Variants in ZFHX4 observed in about 807,000 individuals in gnomAD.
ZFHX4 encodes zinc finger homeobox 4.
In ZFHX4, 56 loss-of-function variants were observed where a neutral mutation model predicts 267.6. The ratio of observed to expected loss-of-function variants is 0.21; its 90% CI spans 0.17 to 0.26. The LOEUF (loss-of-function observed/expected upper bound fraction) is 0.26. Among genes scored for constraint, ZFHX4 ranks in the 10% least tolerant of loss-of-function variants. ZFHX4 has a pLI of 1.00. For missense variants in ZFHX4, 4,332 were observed against 4,420.0 expected (o/e 0.98, Z 0.56); for synonymous variants, 1,778 against 1,665.6 (o/e 1.07, Z -1.64).
chr8:76,790,466 T>A (rs964341078), intron 4 of ZFHX4, among the ~76,000 whole-genome samples: 7 of 152,050 alleles, frequency 4.6e-5, no homozygotes, highest in Non-Finnish European at 8.8e-5. Context: ...ATTGAAAGGA[T>A]AACAGACCAA....
At chr8:76,802,858 A>G (rs1231087137) in intron 4 of ZFHX4, among the ~76,000 whole-genome samples, 1 of 152,184 alleles carries the variant, frequency 6.6e-6, no homozygotes, top group East Asian at 1.9e-4. Flanking sequence ...TATTAGAAGG[A>G]GAAAACATTC....
chr8:76,851,616 C>T lies in ZFHX4; in HGVS notation c.4695C>T (p.His1565=), dbSNP rs1812523847. The change falls in exon 10 of 11, where the codon CAC becomes CAT. Residue 1565 remains histidine, a synonymous_variant. Transcript: ENST00000651372. ...ILLVHYNSVS[H]LHKLKKVLQE... ...TGGTCCACTATAATTCAGTTTCTCA[C>T]TTGCATAAGCTGAAAAAAGTTTTGC... is the stretch of plus-strand genomic sequence containing the variant. The T allele has an allele frequency of 1.2e-6, 2 of 1,613,810 alleles. No individual in the cohort carries two copies. The highest frequency in any genetic ancestry group is 1.7e-6 in the Non-Finnish European group (2 of 1,179,836).
At chr8:76,762,327 T>G (rs111523230) in intron 3 of ZFHX4, among the ~76,000 whole-genome samples, 5 of 152,250 alleles carry the variant, frequency 3.3e-5, no homozygotes, top group African/African-American at 1.2e-4. Context: ...ACATAAATAG[T>G]GAAGAATACA....
At chr8:76,755,802 T>G (rs1809744869) in intron 3 of ZFHX4, among the ~76,000 whole-genome samples, 1 of 152,298 alleles carries the variant, frequency 6.6e-6, no homozygotes, top group East Asian at 1.9e-4. Flanking sequence ...ATTTGTTGCC[T>G]TCTAGATAGT....
At chr8:76,691,313 A>G (rs2131583752) in intron 1 of ZFHX4, among the ~76,000 whole-genome samples, 2 of 152,180 alleles carry the variant, frequency 1.3e-5, no homozygotes, top group African/African-American at 4.8e-5. Context: ...CAAATGGACA[A>G]GAAGAGCCTA....
At chr8:76,842,809 T>C in intron 6 of ZFHX4, 38 bp downstream of exon 6, 1 of 1,427,528 alleles carries the variant, frequency 7.0e-7, no homozygotes, top group Non-Finnish European at 9.6e-7. Flanking sequence ...CATTTCCCTA[T>C]ACCCATTCCC....
At chr8:76,717,560 A>G (rs1291721097) in intron 3 of ZFHX4, among the ~76,000 whole-genome samples, 1 of 152,198 alleles carries the variant, frequency 6.6e-6, no homozygotes, top group Non-Finnish European at 1.5e-5. Flanking sequence ...CGCAATAACT[A>G]TGGTTGATGT....
At position 76,864,608 on chromosome 8, in the gene ZFHX4, A is replaced by T. The variant is rs1357350680; in HGVS notation, c.*43A>T. On this transcript the variant is annotated 3_prime_UTR_variant, in exon 11 of 11. Transcript: ENST00000651372. ...CGTGCTTAAAAAAATAAAAAATAAA[A>T]AAATAAAAAAAAAATAAGACTTTAA... 3.9e-6 allele frequency: 5 copies of T among 1,280,164 alleles called. No homozygotes were observed. Among genetic ancestry groups the T allele is most frequent in the Non-Finnish European group, 4.0e-6 (4 of 992,044 alleles). The allele number at this position is 1,280,164 out of a possible 1,614,324, so 79.3% of individuals were successfully genotyped here. A position where few individuals can be genotyped will look rare whatever the true frequency, so the allele number is the denominator to read the frequency against.
rs1338412887 is a variant in ZFHX4 at position 76,865,452 on chromosome 8, C to G, written c.*887C>G. 6.6e-6 allele frequency: 1 copy of G among 152,520 alleles called. No homozygotes were observed. Among genetic ancestry groups the G allele is most frequent in the Non-Finnish European group, 1.5e-5 (1 of 68,024 alleles). 9.4% of individuals were successfully genotyped at this position (152,520 alleles called of 1,614,324 possible). A position where few individuals can be genotyped will look rare whatever the true frequency, so the allele number is the denominator to read the frequency against. ...CAAGGTACTTGCTTGTGTCTGAACT[C>G]TAGTGCACTTATGATTTTGTAGACC... On this transcript the variant is annotated 3_prime_UTR_variant, in exon 11 of 11. Coordinates refer to ENST00000651372, the MANE Select transcript of ZFHX4 (RefSeq NM_024721.5).
At position 76,853,302 on chromosome 8, in the gene ZFHX4, T is replaced by C; in HGVS notation, c.6381T>C (p.Ser2127=). The stretch of plus-strand genomic sequence containing the variant: ...TAGATCCCAACTTCTTAAGACATTC[T>C]CAGTTCAAACGCCCACGGACAAGAA... ...LGLDPNFLRH[S]QFKRPRTRIT... The change falls in exon 10 of 11, where the codon TCT becomes TCC. Residue 2127 remains serine, a synonymous_variant. Coordinates refer to ENST00000651372, the MANE Select transcript of ZFHX4 (RefSeq NM_024721.5). 6.2e-7 allele frequency: 1 copy of C among 1,611,742 alleles called. No individual in the cohort carries two copies. Among genetic ancestry groups the C allele is most frequent in the African/African-American group, 1.3e-5 (1 of 74,944 alleles).
chr8:76,825,878 A>T (rs1811771492), intron 4 of ZFHX4, among the ~76,000 whole-genome samples: 1 of 152,228 alleles, frequency 6.6e-6, no homozygotes, highest in Non-Finnish European at 1.5e-5. Flanking sequence ...TTGAGATGAA[A>T]GTGTAAGAGA....
At chr8:76,824,793 G>A (rs1189467837) in intron 4 of ZFHX4, among the ~76,000 whole-genome samples, 1 of 151,924 alleles carries the variant, frequency 6.6e-6, no homozygotes, top group Non-Finnish European at 1.5e-5. Context: ...GGCTGCTCTC[G>A]AACTCCGGCT....
intron 3 of ZFHX4, among the ~76,000 whole-genome samples, chr8:76,715,481 TAAAAA>T (rs764567552): frequency 1.6e-5 from 1 of 62,342 alleles, no homozygotes; most frequent in South Asian, 6.4e-4. Flanking sequence ...GACTCCATCT[TAAAAA>T]AAAAAAAAAA....
intron 4 of ZFHX4, among the ~76,000 whole-genome samples, chr8:76,817,216 G>A (rs566024995): frequency 5.9e-5 from 9 of 151,958 alleles, no homozygotes; most frequent in African/African-American, 1.7e-4. Context: ...GTGCTTAAAA[G>A]AAATAAAATC....
chr8:76,782,130 T>A, intron 4 of ZFHX4: 1 of 389,764 alleles, frequency 2.6e-6, no homozygotes. Flanking sequence ...TTTTTGCCTA[T>A]TGTTTCTTCT....
intron 4 of ZFHX4, among the ~76,000 whole-genome samples, chr8:76,823,061 C>T (rs1344495963): frequency 6.6e-6 from 1 of 151,566 alleles, no homozygotes; most frequent in Non-Finnish European, 1.5e-5. Flanking sequence ...TGAAATGACT[C>T]TACTACCTTT....
At chr8:76,683,085 T>G (rs1807587228) in intron 1 of ZFHX4, 2 of 152,308 alleles carry the variant, frequency 1.3e-5, no homozygotes, top group Admixed American at 1.3e-4. Context: ...TTTCGGCCGC[T>G]CGGGCTGGGG....
At position 76,855,639 on chromosome 8, in the gene ZFHX4, C is replaced by T; in HGVS notation, c.8718C>T (p.Asp2906=). The T allele has an allele frequency of 6.2e-7, 1 of 1,613,860 alleles. No homozygotes were observed. Among genetic ancestry groups the T allele is most frequent in the South Asian group, 1.1e-5 (1 of 91,058 alleles). The change falls in exon 10 of 11, where the codon GAC becomes GAT. Residue 2906 remains aspartate (D), a synonymous_variant. Transcript: ENST00000651372. ...ADRSETSSIA[D]PSSPNPFGSS... ...GCAGCGAAACGTCCAGCATAGCGGA[C>T]CCGAGCTCCCCAAATCCATTCGGAT...
intron 1 of ZFHX4, among the ~76,000 whole-genome samples, chr8:76,702,819 A>G (rs144318413): frequency 0.01 from 1,599 of 152,328 alleles, 15 homozygotes; most frequent in Non-Finnish European, 0.015. Context: ...TGCCTATGTT[A>G]CAGGCCGAAA....
Sources: gnomAD v4.1 joint callset for allele counts (sites outside exome capture counted in the v4.1 genomes callset) on GRCh38, gnomAD v4.1.1 for gene constraint, MANE v1.5 for transcripts, NCBI Gene and HGNC (gene_info 2026-07-23, HGNC 2026-07-21) for gene names.